MYH3: variants seen among roughly 807,000 people sequenced by gnomAD.
The protein encoded by MYH3 is myosin heavy chain 3.
Under a neutral mutation model 238.0 loss-of-function variants are expected in MYH3, and 130 were observed. The ratio of observed to expected loss-of-function variants is 0.55; its 90% CI spans 0.47 to 0.63. The LOEUF (loss-of-function observed/expected upper bound fraction) is 0.63. Ranked by LOEUF, MYH3 falls within the 30% of genes least tolerant of loss-of-function variation. MYH3 has a pLI of 0.00. For synonymous variants in MYH3, 880 were observed against 924.1 expected (o/e 0.95, Z 0.86); for missense variants, 1,853 against 2,374.9 (o/e 0.78, Z 4.57).
In MYH3 at chr17:10,638,359, C is replaced by T. The variant is rs142687423; in HGVS notation, c.3413G>A (p.Ser1138Asn). ...ATRAKTEKQR[S>N]DYARELEELS... is the part of the protein sequence containing the mutation. ...CTCCTCCAGCTCCCGGGCATAGTCG[C>T]TGCGCTGTTTCTCTGTCTTCGCGCG... Residue 1138 changes from serine to asparagine, a missense_variant, in exon 27 of 41, where the codon AGC becomes AAC. Physicochemically the swap from Ser to Asn is conservative, Grantham distance 46 (BLOSUM62 1). Around this residue, in one of 3 missense-constraint regions of MYH3, gnomAD observed 1,044 missense variants for 1,192.6 expected, o/e 0.88. Coordinates refer to ENST00000583535, the MANE Select transcript of MYH3 (RefSeq NM_002470.4). 1.4e-5 allele frequency: 22 copies of T among 1,608,694 alleles called. No individual in the cohort carries two copies. Among genetic ancestry groups the T allele is most frequent in the Admixed American group, 5.0e-5 (3 of 59,990 alleles).
chr17:10,633,538 G>GC, intron 33 of MYH3, 53 bp downstream of exon 33: 1 of 1,607,474 alleles, frequency 6.2e-7, no homozygotes, highest in East Asian at 2.2e-5. Context: ...AGCCTCCCTG[G>GC]CCGTGGCTCA....
At chr17:10,631,502 G>C (rs1211239677) in intron 36 of MYH3, 109 bp downstream of exon 36, 3 of 1,535,866 alleles carry the variant, frequency 2.0e-6, no homozygotes, top group Non-Finnish European at 2.7e-6. Flanking sequence ...TCGGGGAGCA[G>C]AATGTGCACC....
chr17:10,674,282 C>T, the MYH3 span: 35 of 163,846 alleles, frequency 2.1e-4, no homozygotes, highest in Admixed American at 4.4e-4. Flanking sequence ...TGCACGCCAC[C>T]GGGCATGGTG....
intron 3 of MYH3, among the ~76,000 whole-genome samples, chr17:10,653,831 T>G (rs1431299028): frequency 6.6e-6 from 1 of 152,220 alleles, no homozygotes; most frequent in African/African-American, 2.4e-5. Flanking sequence ...AGGTTCATCT[T>G]AGATTATCAT....
rs141455289 is a variant in MYH3, at chr17:10,628,979, T to A, written c.5797-300A>T. Among the ~76,000 whole-genome samples, 1,073 of 152,272 alleles carry A rather than the reference T, an allele frequency of 7.0e-3. 12 individuals are homozygous for A. The highest frequency in any genetic ancestry group is 0.024 in the African/African-American group (1,005 of 41,568). On this transcript the variant is annotated intron_variant, in intron 40 of 40. Transcript: ENST00000583535. The stretch of plus-strand genomic sequence containing the variant: ...CCTTTTGTTACCAGCAGGGGGCGCA[T>A]GAAAGAGCTCAGTGGGACCCGCTCG...
intron 34 of MYH3, 36 bp downstream of exon 34, chr17:10,632,440 A>G: frequency 6.2e-7 from 1 of 1,600,654 alleles, no homozygotes; most frequent in Non-Finnish European, 8.5e-7. Flanking sequence ...GTATGTGAGG[A>G]GGAGAGAGGT....
Position 10,638,156 on chromosome 17 carries a change from C to T in MYH3, c.3616G>A (p.Glu1206Lys). The change falls in exon 27 of 41, where the codon GAG becomes AAG. Residue 1206 changes from glutamate to lysine, a missense_variant. Coordinates refer to ENST00000583535, the MANE Select transcript of MYH3 (RefSeq NM_002470.4). ...ACCCGCTGCAGGTTGTCAATCTGCT[C>T]CCCAAGCTCGGCCACACTATCCGCA... is the stretch of plus-strand genomic sequence containing the variant. Reference protein sequence around the residue: ...KHADSVAELGEQIDNLQRVKQ... With the variant: ...KHADSVAELGKQIDNLQRVKQ... 6.2e-7 allele frequency: 1 copy of T among 1,613,882 alleles called. No homozygotes were observed. Among genetic ancestry groups the T allele is most frequent in the Non-Finnish European group, 8.5e-7 (1 of 1,179,990 alleles).
chr17:10,635,355 A>T lies in MYH3; in HGVS notation c.4172+12T>A. ...CTAAGTAGTTCTTCTAAAAGCAAAC[A>T]GAGCTGCGCACTTGGCCTCCTCCAG... On this transcript the variant is annotated intron_variant, in intron 30 of 40. Coordinates refer to ENST00000583535, the MANE Select transcript of MYH3 (RefSeq NM_002470.4). The T allele has an allele frequency of 6.2e-7, 1 of 1,614,052 alleles. No individual in the cohort carries two copies. The highest frequency in any genetic ancestry group is 2.2e-5 in the East Asian group (1 of 44,894).
At chr17:10,659,919 G>A (rs929996728), upstream of MYH3, among the ~76,000 whole-genome samples, 3 of 152,224 alleles carry the variant, frequency 2.0e-5, no homozygotes, top group African/African-American at 7.2e-5. Context: ...GAGAGCAGTT[G>A]AAAAGCTGGA....
At chr17:10,652,891 G>T (rs2074392386) in intron 3 of MYH3, among the ~76,000 whole-genome samples, 1 of 152,012 alleles carries the variant, frequency 6.6e-6, no homozygotes, top group Non-Finnish European at 1.5e-5. Flanking sequence ...AAAGTGCTGG[G>T]ATTACAGGTG....
intron 34 of MYH3, 132 bp from the exon 35 acceptor site, chr17:10,632,148 G>A: frequency 2.5e-6 from 3 of 1,215,448 alleles, no homozygotes; most frequent in East Asian, 2.5e-5. Context: ...TTGAGACAGG[G>A]TCTTGTTCTG....
At chr17:10,632,087 G>C (rs1187062292) in intron 34 of MYH3, 71 bp from the exon 35 acceptor site, 1 of 1,535,210 alleles carries the variant, frequency 6.5e-7, no homozygotes, top group Non-Finnish European at 8.9e-7. Flanking sequence ...CTGCATCTCT[G>C]AGTTTTGTTT....
the MYH3 span, among the ~76,000 whole-genome samples, chr17:10,662,616 A>G: frequency 6.6e-6 from 1 of 152,210 alleles, no homozygotes; most frequent in South Asian, 2.1e-4. Context: ...ATCATGTCTT[A>G]GGCAGTTCGC....
At chr17:10,664,823 C>T in the MYH3 span, among the ~76,000 whole-genome samples, 1 of 152,174 alleles carries the variant, frequency 6.6e-6, no homozygotes, top group African/African-American at 2.4e-5. Context: ...TTGAGCAAAA[C>T]AGGTGAAGAC....
At chr17:10,649,215 C>T (rs968673120) in intron 7 of MYH3, among the ~76,000 whole-genome samples, 42 of 152,230 alleles carry the variant, frequency 2.8e-4, no homozygotes, top group African/African-American at 9.6e-4. Flanking sequence ...AGTCAGTTGT[C>T]CGTATTCATT....
chr17:10,632,841 C>T lies in MYH3; in HGVS notation c.4648-57G>A, dbSNP rs1000560652. ...CTGTGATGGTATGGAGCCAGCTCCACTACCCTGCAGGATAACAAAACTTCA... is the reference window on the plus strand; with the variant it reads ...CTGTGATGGTATGGAGCCAGCTCCATTACCCTGCAGGATAACAAAACTTCA... On this transcript the variant is annotated intron_variant, in intron 33 of 40. Transcript: ENST00000583535. The T allele has an allele frequency of 1.5e-5, 23 of 1,546,902 alleles. No individual in the cohort carries two copies. In the African/African-American group the frequency reaches 3.0e-4, roughly 20 times the overall value.
the MYH3 span, among the ~76,000 whole-genome samples, chr17:10,668,344 G>A: frequency 0.21 from 31,587 of 151,728 alleles, 3,486 homozygotes; most frequent in Non-Finnish European, 0.25. Flanking sequence ...GTAGTGGGCC[G>A]AGATCACACC....
intron 10 of MYH3, 77 bp from the exon 11 acceptor site, chr17:10,646,109 C>T: frequency 8.1e-7 from 1 of 1,232,820 alleles, no homozygotes; most frequent in Non-Finnish European, 1.2e-6. Flanking sequence ...GCTCCTGCAC[C>T]CTGGGCTGGA....
At chr17:10,633,981 A>G in intron 32 of MYH3, 36 bp downstream of exon 32, 1 of 1,609,216 alleles carries the variant, frequency 6.2e-7, no homozygotes. Flanking sequence ...ATAGAGCATG[A>G]AAGGAGGAGG....
Sources: allele counts gnomAD v4.1 joint callset (sites outside exome capture counted in the v4.1 genomes callset), GRCh38; gene constraint gnomAD v4.1.1; regional missense constraint gnomAD v4.1.1; transcripts MANE v1.5; gene names NCBI Gene and HGNC (gene_info 2026-07-23, HGNC 2026-07-21).